The following AKT3 variants were observed in gnomAD, a reference collection of about 807,000 sequenced individuals.
AKT3 encodes AKT serine/threonine kinase 3.
A neutral mutation model predicts 65.3 loss-of-function variants in AKT3; 15 were observed. That is an observed-to-expected ratio of 0.23 (90% CI 0.15 to 0.35). AKT3 has a LOEUF of 0.35. AKT3 is among the 10% of genes least tolerant of loss of function. The pLI, the probability that AKT3 is intolerant of heterozygous loss-of-function variation, is 1.00. For missense variants in AKT3, 243 were observed against 576.5 expected (o/e 0.42, Z 5.92); for synonymous variants, 206 against 183.8 (o/e 1.12, Z -0.98).
intron 12 of AKT3, among the ~76,000 whole-genome samples, chr1:243,532,498 G>A (rs563266800): frequency 3.3e-5 from 5 of 152,246 alleles, no homozygotes; most frequent in African/African-American, 1.2e-4. Context: ...TGCATTCCTG[G>A]AATAAATCTA....
At chr1:243,543,888 CAG>C (rs1672481084) in intron 12 of AKT3, among the ~76,000 whole-genome samples, 1 of 152,078 alleles carries the variant, frequency 6.6e-6, no homozygotes, top group Non-Finnish European at 1.5e-5. Flanking sequence ...TTACAAGAAA[CAG>C]AAAATCACCA....
chr1:243,531,086 T>C (rs1169948330), intron 12 of AKT3, among the ~76,000 whole-genome samples: 1 of 152,182 alleles, frequency 6.6e-6, no homozygotes, highest in Non-Finnish European at 1.5e-5. Flanking sequence ...TATCTATCTA[T>C]CCATCCCTCT....
intron 8 of AKT3, among the ~76,000 whole-genome samples, chr1:243,586,605 C>T (rs560385403): frequency 7.9e-5 from 12 of 152,206 alleles, no homozygotes; most frequent in East Asian, 1.9e-4. Context: ...GGCCATTATC[C>T]GGAGTGAATT....
chr1:243,565,417 G>T (rs988695681), intron 9 of AKT3, among the ~76,000 whole-genome samples: 1 of 152,070 alleles, frequency 6.6e-6, no homozygotes, highest in African/African-American at 2.4e-5. Flanking sequence ...TAGTGACAAG[G>T]TCTCACTTTG....
At chr1:243,488,449 G>A (rs1483061312) in exon 14 of AKT3, 2 of 162,594 alleles carry the variant, frequency 1.2e-5, no homozygotes, top group East Asian at 3.5e-4. Context: ...GTAGGAAGCC[G>A]ACTGTGGACA....
At chr1:243,815,038 T>G (rs1003085489) in intron 2 of AKT3, among the ~76,000 whole-genome samples, 1 of 152,194 alleles carries the variant, frequency 6.6e-6, no homozygotes, top group Non-Finnish European at 1.5e-5. Flanking sequence ...AGTCACATCT[T>G]CAGCTTGATC....
chr1:243,827,961 A>G, intron 2 of AKT3, among the ~76,000 whole-genome samples: 1 of 152,156 alleles, frequency 6.6e-6, no homozygotes, highest in East Asian at 1.9e-4. Flanking sequence ...AAATATCATA[A>G]TGAAAACATT....
At chr1:243,772,147 A>C (rs1448953897) in intron 2 of AKT3, among the ~76,000 whole-genome samples, 1 of 152,234 alleles carries the variant, frequency 6.6e-6, no homozygotes, top group African/African-American at 2.4e-5. Context: ...TTCATGTCTA[A>C]AACACCAAAA....
intron 10 of AKT3, among the ~76,000 whole-genome samples, chr1:243,555,143 T>C (rs1039900728): frequency 6.6e-6 from 1 of 152,176 alleles, no homozygotes; most frequent in Non-Finnish European, 1.5e-5. Context: ...TAGAACTGTT[T>C]GCCGTATTAC....
intron 12 of AKT3, among the ~76,000 whole-genome samples, chr1:243,523,263 A>G (rs1010478998): frequency 3.3e-5 from 1 of 30,500 alleles, no homozygotes; most frequent in Non-Finnish European, 7.4e-5. Context: ...AAGGACGAAC[A>G]CACACACACA....
chr1:243,651,196 TTTA>T (rs1426218545), intron 4 of AKT3, among the ~76,000 whole-genome samples: 2 of 152,138 alleles, frequency 1.3e-5, no homozygotes, highest in African/African-American at 4.8e-5. Flanking sequence ...GGTTTGGCTG[TTTA>T]TTATTGGTGT....
chr1:243,597,056 G>C (rs190798074), intron 8 of AKT3, among the ~76,000 whole-genome samples: 36 of 152,302 alleles, frequency 2.4e-4, no homozygotes, highest in Admixed American at 2.3e-3. Context: ...ATGTACTATG[G>C]GTACAGGGAA....
intron 4 of AKT3, among the ~76,000 whole-genome samples, chr1:243,659,101 A>C (rs951596043): frequency 6.6e-5 from 10 of 152,186 alleles, no homozygotes; most frequent in Non-Finnish European, 1.5e-4. Flanking sequence ...AAAAAGAAGA[A>C]AATCCTCTAA....
intron 2 of AKT3, among the ~76,000 whole-genome samples, chr1:243,791,073 C>T (rs2148335976): frequency 6.6e-6 from 1 of 152,304 alleles, no homozygotes; most frequent in Admixed American, 6.5e-5. Context: ...CACTGATAGA[C>T]TGGCTCGACT....
intron 2 of AKT3, among the ~76,000 whole-genome samples, chr1:243,795,761 G>A (rs1265549945): frequency 2.0e-5 from 3 of 152,020 alleles, no homozygotes; most frequent in South Asian, 2.1e-4. Flanking sequence ...GTGAGCCACC[G>A]CGCCCGGCCG....
At position 243,573,799 on chromosome 1, in the gene AKT3, C is replaced by T. The variant is rs1558625156; in HGVS notation, c.697-751G>A. 1.1e-4 allele frequency among the ~76,000 whole-genome samples: 16 copies of T among 152,204 alleles called. No individual in the cohort carries two copies. The South Asian group carries it at 3.3e-3, about 32-fold the overall frequency. On this transcript the variant is annotated intron_variant, in intron 8 of 13. Coordinates refer to ENST00000673466, the MANE Select transcript of AKT3 (RefSeq NM_005465.7). The stretch of plus-strand genomic sequence containing the variant: ...TCAACCTCTTAAAACATATACCATT[C>T]GATAGTCAACAAACATTCACTGGGT...
intron 2 of AKT3, among the ~76,000 whole-genome samples, chr1:243,759,097 T>G (rs1164885107): frequency 1.3e-5 from 2 of 152,154 alleles, no homozygotes; most frequent in Non-Finnish European, 2.9e-5. Context: ...GAGGATCACT[T>G]GGGTCCAGGA....
chr1:243,843,187 GCCC>G lies in AKT3; in HGVS notation c.-20_-18del. ...ATCGCTCATGATGACTCCCCTCTGA[GCCC>G]CCAACTTGGAGAAATGGTACTTTGT... On this transcript the variant is annotated 5_prime_UTR_variant, in exon 2 of 14. Coordinates refer to ENST00000673466, the MANE Select transcript of AKT3 (RefSeq NM_005465.7). The G allele has an allele frequency of 6.2e-7, 1 of 1,611,252 alleles. No individual in the cohort carries two copies. The highest frequency in any genetic ancestry group is 8.5e-7 in the Non-Finnish European group (1 of 1,178,582).
intron 12 of AKT3, among the ~76,000 whole-genome samples, chr1:243,535,647 T>G (rs1448325552): frequency 6.6e-6 from 1 of 152,214 alleles, no homozygotes; most frequent in Non-Finnish European, 1.5e-5. Context: ...CTTAGGTTGA[T>G]TCCCTATCTT....
Sources: gnomAD v4.1 joint callset for allele counts (sites outside exome capture counted in the v4.1 genomes callset) on GRCh38, gnomAD v4.1.1 for gene constraint, MANE v1.5 for transcripts, NCBI Gene and HGNC (gene_info 2026-07-23, HGNC 2026-07-21) for gene names.